The following PLCB1 variants were observed in gnomAD, a reference collection of about 807,000 sequenced individuals.
The protein encoded by PLCB1 is phospholipase C beta 1, also known as 1-phosphatidylinositol 4,5-bisphosphate phosphodiesterase beta-1.
Under a neutral mutation model 161.8 loss-of-function variants are expected in PLCB1, and 46 were observed. That is an observed-to-expected ratio of 0.28 (90% CI 0.22 to 0.36). The LOEUF is 0.36. Among genes scored for constraint, PLCB1 ranks in the 10% least tolerant of loss-of-function variants. The probability of loss-of-function intolerance (pLI) is 1.00; values close to 1 mark genes in which losing one functional copy is unlikely to be tolerated. For missense variants in PLCB1, 1,016 were observed against 1,472.5 expected (o/e 0.69, Z 5.07); for synonymous variants, 517 against 503.7 (o/e 1.03, Z -0.35).
intron 2 of PLCB1, among the ~76,000 whole-genome samples, chr20:8,197,331 C>T (rs1600228902): frequency 6.6e-6 from 1 of 152,196 alleles, no homozygotes; most frequent in Middle Eastern, 3.4e-3. Context: ...CTGTTGTTTC[C>T]TGACTTTTTA....
In PLCB1 at chr20:8,765,360, T is replaced by G; in HGVS notation, c.2930+2T>G. 1 of 1,597,876 alleles carries G rather than the reference T, an allele frequency of 6.3e-7. No homozygotes were observed. The highest frequency in any genetic ancestry group is 8.5e-7 in the Non-Finnish European group (1 of 1,170,278). The stretch of plus-strand genomic sequence containing the variant: ...CGCCAAAAAGGACAGTAAGAAAAAG[T>G]AAGTTCAATGAATATTTTTAGTTGG... On this transcript the variant is annotated splice_donor_variant, in intron 26 of 31. Transcript: ENST00000338037. LOFTEE classifies it high-confidence loss of function.
chr20:8,601,979 A>G (rs1987600559), intron 3 of PLCB1, among the ~76,000 whole-genome samples: 1 of 152,084 alleles, frequency 6.6e-6, no homozygotes. Flanking sequence ...CTTCACCATC[A>G]TCACCCTTTT....
intron 24 of PLCB1, among the ~76,000 whole-genome samples, chr20:8,759,853 CTT>C (rs1981924818): frequency 7.1e-6 from 1 of 140,850 alleles, no homozygotes; most frequent in African/African-American, 2.6e-5. Context: ...AAGTGGATGT[CTT>C]TTCTCTTTTC....
intron 4 of PLCB1, among the ~76,000 whole-genome samples, chr20:8,643,733 C>CA (rs1265527876): frequency 6.9e-6 from 1 of 145,080 alleles, no homozygotes; most frequent in African/African-American, 2.6e-5. Flanking sequence ...ACTAAAAATA[C>CA]AAAAAATAGC....
intron 3 of PLCB1, among the ~76,000 whole-genome samples, chr20:8,607,058 C>T (rs1987777026): frequency 6.6e-6 from 1 of 152,022 alleles, no homozygotes; most frequent in African/African-American, 2.4e-5. Context: ...CAACACAGTA[C>T]CCCCCATTTA....
chr20:8,829,204 A>G (rs941260290), intron 31 of PLCB1, among the ~76,000 whole-genome samples: 3 of 152,158 alleles, frequency 2.0e-5, no homozygotes, highest in African/African-American at 7.2e-5. Context: ...CTAATTCCTC[A>G]GCATTAGCCA....
At chr20:8,354,103 C>T (rs1303843428) in intron 2 of PLCB1, among the ~76,000 whole-genome samples, 1 of 151,294 alleles carries the variant, frequency 6.6e-6, no homozygotes, top group East Asian at 1.9e-4. Flanking sequence ...AGAGTTATTG[C>T]TTAACATGTA....
At chr20:8,457,015 G>A (rs752515506) in intron 3 of PLCB1, among the ~76,000 whole-genome samples, 19 of 152,184 alleles carry the variant, frequency 1.2e-4, no homozygotes, top group Non-Finnish European at 2.2e-4. Context: ...ATTTCTTCAT[G>A]TCAGTCACAT....
At chr20:8,390,408 C>T (rs1479200044) in intron 3 of PLCB1, among the ~76,000 whole-genome samples, 13 of 152,150 alleles carry the variant, frequency 8.5e-5, no homozygotes. Context: ...AGCACTATTG[C>T]TAAATACTAT....
At chr20:8,648,130 C>G (rs562108591) in intron 6 of PLCB1, among the ~76,000 whole-genome samples, 177 bp downstream of exon 6, 21 of 152,296 alleles carry the variant, frequency 1.4e-4, no homozygotes, top group African/African-American at 4.8e-4. Flanking sequence ...ATAGACGTCT[C>G]CCCGGGGCTT....
intron 3 of PLCB1, among the ~76,000 whole-genome samples, chr20:8,616,477 AC>A (rs1468683379): frequency 6.6e-6 from 1 of 152,110 alleles, no homozygotes; most frequent in Non-Finnish European, 1.5e-5. Context: ...TGTTAGACTC[AC>A]CTACTAAACT....
chr20:8,338,819 G>C (rs1301778097), intron 2 of PLCB1, among the ~76,000 whole-genome samples: 1 of 152,022 alleles, frequency 6.6e-6, no homozygotes, highest in African/African-American at 2.4e-5. Flanking sequence ...ACCCCTGCAC[G>C]CACATAAAAT....
chr20:8,672,850 A>G (rs2015618), intron 9 of PLCB1, among the ~76,000 whole-genome samples: 57,238 of 151,990 alleles, frequency 0.38, 11,366 homozygotes, highest in Non-Finnish European at 0.43. Context: ...GGTGGCTCAC[A>G]TCTGTAATCC....
intron 3 of PLCB1, among the ~76,000 whole-genome samples, chr20:8,539,898 G>C (rs1020739989): frequency 1.3e-5 from 2 of 151,978 alleles, no homozygotes; most frequent in African/African-American, 4.8e-5. Flanking sequence ...CAGCTTAGGT[G>C]ACTGGGATTT....
intron 4 of PLCB1, among the ~76,000 whole-genome samples, chr20:8,641,022 G>C (rs761448): frequency 0.74 from 112,335 of 152,094 alleles, 41,873 homozygotes; most frequent in African/African-American, 0.82. Flanking sequence ...CCATTTAGAA[G>C]AATATTGCTT....
At chr20:8,753,119 A>G (rs1981568858) in intron 23 of PLCB1, among the ~76,000 whole-genome samples, 1 of 151,930 alleles carries the variant, frequency 6.6e-6, no homozygotes, top group Non-Finnish European at 1.5e-5. Context: ...ATGCATGATG[A>G]CCTGTTACTG....
At chr20:8,264,750 T>G (rs997264143) in intron 2 of PLCB1, among the ~76,000 whole-genome samples, 1 of 152,166 alleles carries the variant, frequency 6.6e-6, no homozygotes, top group African/African-American at 2.4e-5. Flanking sequence ...CACACACATA[T>G]GTTCATCTCT....
chr20:8,792,228 C>T, intron 31 of PLCB1: 1 of 179,722 alleles, frequency 5.6e-6, no homozygotes. Flanking sequence ...TACATCCCCT[C>T]TAGCTGGTGT....
chr20:8,294,431 T>C (rs1054681777), intron 2 of PLCB1, among the ~76,000 whole-genome samples: 3 of 151,962 alleles, frequency 2.0e-5, no homozygotes, highest in Non-Finnish European at 2.9e-5. Context: ...ATATGAAACA[T>C]ACCCTATGAC....
Sources: allele counts gnomAD v4.1 joint callset (sites outside exome capture counted in the v4.1 genomes callset), GRCh38; gene constraint gnomAD v4.1.1; transcripts MANE v1.5; gene names NCBI Gene and HGNC (gene_info 2026-07-23, HGNC 2026-07-21).